The following FRMD1 variants were observed in gnomAD, a reference collection of about 807,000 sequenced individuals.
The protein encoded by FRMD1 is FERM domain containing 1, also known as FERM domain-containing protein 1.
FRMD1 carries 51 observed loss-of-function variants against 54.9 expected under a neutral mutation model. The observed-to-expected ratio is 0.93, with a 90% CI of 0.74 to 1.17. FRMD1 has a LOEUF of 1.17. Ranked by LOEUF, FRMD1 falls within the 50% of genes most tolerant of loss-of-function variation. The pLI, the probability that FRMD1 is intolerant of heterozygous loss-of-function variation, is 0.00. For missense variants in FRMD1, 729 were observed against 743.0 expected, an observed-to-expected ratio of 0.98 and a Z score of 0.22; for synonymous variants, 324 against 306.4, an observed-to-expected ratio of 1.06 and a Z score of -0.60.
At chr6:168,064,411 C>A (rs979272849) in intron 5 of FRMD1, among the ~76,000 whole-genome samples, 1 of 152,206 alleles carries the variant, frequency 6.6e-6, no homozygotes, top group Non-Finnish European at 1.5e-5. Context: ...ACAGCCCACG[C>A]CTCTCCATGG....
In FRMD1 at chr6:168,059,165, G is replaced by T. The variant is rs1548349; in HGVS notation, c.1366C>A (p.Gln456Lys). 29 of 1,586,756 alleles carry T rather than the reference G, an allele frequency of 1.8e-5. No homozygotes were observed. Among genetic ancestry groups the T allele is most frequent in the Middle Eastern group, 1.8e-4 (1 of 5,582 alleles). ...GCGCTCTGGCCTCTGGTCCTGACCT[G>T]GGTGCAGGGCTCCTGACGAGTGGCT... is the stretch of plus-strand genomic sequence containing the variant. ...SQATRQEPCT[Q>K]VRTRGQSAEA... Residue 456 changes from glutamine (Q) to lysine (K), a missense_variant, in exon 10 of 11, where the codon CAG (glutamine) becomes AAG (lysine). Physicochemically the swap from Gln to Lys is moderately conservative, Grantham distance 53. Transcript: ENST00000283309. This position sits in a 1 kb window ranked among gnomAD's most constrained non-coding sequence, Gnocchi z 4.4.
chr6:168,083,118 C>T (rs1800864181), upstream of FRMD1, among the ~76,000 whole-genome samples: 2 of 152,156 alleles, frequency 1.3e-5, no homozygotes, highest in Admixed American at 6.5e-5. Context: ...GCCACGGGGC[C>T]GTATTTATTC....
chr6:168,083,585 G>A (rs772469077), upstream of FRMD1, among the ~76,000 whole-genome samples: 5 of 152,250 alleles, frequency 3.3e-5, no homozygotes, highest in Non-Finnish European at 7.3e-5. Flanking sequence ...GGAGGAGGGC[G>A]TGAAGGGCAG....
chr6:168,091,889 C>A (rs997591049), intron 1 of FRMD1, among the ~76,000 whole-genome samples: 1 of 120,958 alleles, frequency 8.3e-6, no homozygotes, highest in Non-Finnish European at 1.8e-5. Flanking sequence ...CCACTCACTC[C>A]GGATCAGGTG....
chr6:168,091,239 C>G (rs1412943692), intron 1 of FRMD1, among the ~76,000 whole-genome samples: 1 of 152,222 alleles, frequency 6.6e-6, no homozygotes, highest in Non-Finnish European at 1.5e-5. Flanking sequence ...GGGCTGGAGA[C>G]CCTGCAGTGT....
At chr6:168,066,476 C>T (rs532084448) in intron 4 of FRMD1, 32 of 1,019,958 alleles carry the variant, frequency 3.1e-5, no homozygotes, top group South Asian at 2.5e-4. Context: ...CCAGCCTGGG[C>T]GACAAGAGTG....
rs1799319519 is a variant in FRMD1, at chr6:168,053,220, G to GT, written c.*3876_*3877insA. 1 of 152,188 alleles carries GT rather than the reference G, an allele frequency of 6.6e-6. No homozygotes were observed. The highest frequency in any genetic ancestry group is 1.5e-5 in the Non-Finnish European group (1 of 68,062). 9.4% of individuals were successfully genotyped at this position (152,188 alleles called of 1,614,324 possible). A position where few individuals can be genotyped will look rare whatever the true frequency, so the allele number is the denominator to read the frequency against. Reference sequence around the variant, plus strand: ...ATACCAGCTTTCTCCCGGCAGGGCTGCCCCGGATTTGTTTTCTAACCTTGG... The same window carrying GT: ...ATACCAGCTTTCTCCCGGCAGGGCTGTCCCCGGATTTGTTTTCTAACCTTGG... On this transcript the variant is annotated 3_prime_UTR_variant, in exon 11 of 11. Coordinates refer to ENST00000283309, the MANE Select transcript of FRMD1 (RefSeq NM_024919.6).
chr6:168,059,097 G>A lies in FRMD1; in HGVS notation c.1407+27C>T. 6.5e-7 allele frequency: 1 copy of A among 1,529,352 alleles called. No homozygotes were observed. The highest frequency in any genetic ancestry group is 8.8e-7 in the Non-Finnish European group (1 of 1,132,164). 94.7% of individuals were successfully genotyped at this position (1,529,352 alleles called of 1,614,324 possible). A position where few individuals can be genotyped will look rare whatever the true frequency, so the allele number is the denominator to read the frequency against. ...AAGGGGGTGGAGGAGCAGGGCCAGG[G>A]CTTCTGGCCCGTGGGGGGGACTCTA... On this transcript the variant is annotated intron_variant, in intron 10 of 10. Coordinates refer to ENST00000283309, the MANE Select transcript of FRMD1 (RefSeq NM_024919.6). This position sits in a 1 kb window ranked among gnomAD's most constrained non-coding sequence, Gnocchi z 4.4.
chr6:168,071,676 G>A (rs574530805), intron 2 of FRMD1, among the ~76,000 whole-genome samples: 13 of 152,262 alleles, frequency 8.5e-5, no homozygotes, highest in Admixed American at 1.3e-4. Flanking sequence ...CAAGAAAGAC[G>A]TGAGAAAGGG....
In FRMD1 at chr6:168,066,702, C is replaced by T. The variant is rs201421432; in HGVS notation, c.461+53G>A. 8.9e-5 allele frequency: 139 copies of T among 1,561,716 alleles called. 1 individual carries two copies. The Middle Eastern group carries it at 1.6e-3, about 18-fold the overall frequency. On this transcript the variant is annotated intron_variant, in intron 4 of 10. Transcript: ENST00000283309. ...GCCTTCAGGGGACTTCCACGTCATG[C>T]GGCAGATTTTCAGTATTCCAGGAAA...
At position 168,054,456 on chromosome 6, in the gene FRMD1, AGGGATT is replaced by A. The variant is rs1327918242; in HGVS notation, c.*2635_*2640del. On this transcript the variant is annotated 3_prime_UTR_variant, in exon 11 of 11. Transcript: ENST00000283309. ...TTCCTCTCCACTGACAGGGTAAGAC[AGGGATT>A]GGGGACTTTACCCTGTGCCCCTCCC... 6.6e-6 allele frequency: 1 copy of A among 152,378 alleles called. No homozygotes were observed. The highest frequency in any genetic ancestry group is 1.5e-5 in the Non-Finnish European group (1 of 68,240). The allele number at this position is 152,378 out of a possible 1,614,324, so 9.4% of individuals were successfully genotyped here.
chr6:168,074,388 ATG>A (rs1371839538), intron 2 of FRMD1, among the ~76,000 whole-genome samples: 2 of 152,092 alleles, frequency 1.3e-5, no homozygotes, highest in Non-Finnish European at 2.9e-5. Flanking sequence ...GCATGTTTAC[ATG>A]TGTGAGTGGT....
intron 1 of FRMD1, among the ~76,000 whole-genome samples, chr6:168,092,264 G>A (rs1180803959): frequency 6.6e-6 from 1 of 152,182 alleles, no homozygotes; most frequent in Non-Finnish European, 1.5e-5. Flanking sequence ...CACAGTCCTT[G>A]TGCATCTCCA....
In FRMD1 at chr6:168,066,757, T is replaced by C. The variant is rs1280279423; in HGVS notation, c.459A>G (p.Ile153Met). Residue 153 changes from isoleucine to methionine, a missense_variant and splice_region_variant, in exon 4 of 11, where the codon ATA becomes ATG. Ile to Met is a conservative substitution (Grantham distance 10). Coordinates refer to ENST00000283309, the MANE Select transcript of FRMD1 (RefSeq NM_024919.6). ...CCTTACAGTCCGCATGCCGTTACCT[T>C]ATGACCCTTCCGTTTTCCACGTAGT... ...VQHYVENGRV[I>M]SDHRARHLYY... is the part of the protein sequence containing the mutation. 2 of 1,613,800 alleles carry C rather than the reference T, an allele frequency of 1.2e-6. No individual in the cohort carries two copies. Among genetic ancestry groups the C allele is most frequent in the Non-Finnish European group, 8.5e-7 (1 of 1,179,942 alleles).
Position 168,059,103 on chromosome 6 carries a change from G to A in FRMD1, c.1407+21C>T. ...GTGGAGGAGCAGGGCCAGGGCTTCT[G>A]GCCCGTGGGGGGGACTCTACCTGGT... On this transcript the variant is annotated intron_variant, in intron 10 of 10. Coordinates refer to ENST00000283309, the MANE Select transcript of FRMD1 (RefSeq NM_024919.6). The surrounding 1 kb of genome is among the most constrained non-coding windows in gnomAD (Gnocchi z 4.4). 1.3e-6 allele frequency: 2 copies of A among 1,549,678 alleles called. No individual in the cohort carries two copies. The highest frequency in any genetic ancestry group is 2.4e-5 in the South Asian group (2 of 84,856).
intron 1 of FRMD1, among the ~76,000 whole-genome samples, chr6:168,077,969 G>A (rs984135726): frequency 4.6e-5 from 7 of 152,154 alleles, no homozygotes; most frequent in Non-Finnish European, 7.3e-5. Flanking sequence ...GGGCGTTTAC[G>A]TAAACACAGA....
intron 8 of FRMD1, among the ~76,000 whole-genome samples, chr6:168,061,606 G>A (rs1292074163): frequency 1.3e-5 from 2 of 152,232 alleles, no homozygotes; most frequent in African/African-American, 4.8e-5. Flanking sequence ...GCTTCCCCCA[G>A]TCCCATCTAT....
intron 10 of FRMD1, among the ~76,000 whole-genome samples, chr6:168,058,033 G>C (rs1392965534): frequency 6.6e-6 from 1 of 152,244 alleles, no homozygotes; most frequent in Non-Finnish European, 1.5e-5. Flanking sequence ...AGGCGGCTTC[G>C]GGCAGCCGTC....
chr6:168,063,029 G>T, intron 6 of FRMD1, 70 bp from the exon 7 acceptor site: 1 of 1,351,656 alleles, frequency 7.4e-7, no homozygotes, highest in Non-Finnish European at 1.1e-6. Flanking sequence ...GCAGAGTATG[G>T]TCAGTCTGGC....
Sources: allele counts gnomAD v4.1 joint callset (sites outside exome capture counted in the v4.1 genomes callset), GRCh38; gene constraint gnomAD v4.1.1; non-coding constraint Gnocchi (gnomAD v3.1); transcripts MANE v1.5; gene names NCBI Gene and HGNC (gene_info 2026-07-23, HGNC 2026-07-21).